The following INPP4B variants were observed in gnomAD, a reference collection of about 807,000 sequenced individuals.
INPP4B encodes the protein inositol polyphosphate 4-phosphatase type II.
Under a neutral mutation model 122.5 loss-of-function variants are expected in INPP4B, and 55 were observed. The observed-to-expected ratio is 0.45, with a 90% confidence interval of 0.36 to 0.56. The LOEUF (loss-of-function observed/expected upper bound fraction) is 0.56, where lower values mean the gene tolerates loss of function less well. Ranked by LOEUF, INPP4B falls within the 20% of genes least tolerant of loss-of-function variation. The pLI is 0.00. For missense variants in INPP4B, 1,000 were observed against 1,097.7 expected, an observed-to-expected ratio of 0.91 and a Z score of 1.26; for synonymous variants, 403 against 388.7, an observed-to-expected ratio of 1.04 and a Z score of -0.43.
At chr4:142,522,052 C>T (rs1826151730) in intron 2 of INPP4B, among the ~76,000 whole-genome samples, 1 of 152,050 alleles carries the variant, frequency 6.6e-6, no homozygotes, top group Non-Finnish European at 1.5e-5. Flanking sequence ...GTGCTTTGGG[C>T]AAGTTATTTC....
chr4:142,080,057 A>G (rs1773081829), intron 25 of INPP4B, among the ~76,000 whole-genome samples: 2 of 152,102 alleles, frequency 1.3e-5, no homozygotes, highest in African/African-American at 4.8e-5. Flanking sequence ...AATCCCCGAG[A>G]CACTCCTAAA....
chr4:142,202,165 A>ACCAGACTC, intron 14 of INPP4B, among the ~76,000 whole-genome samples: 1 of 152,130 alleles, frequency 6.6e-6, no homozygotes, highest in South Asian at 2.1e-4. Context: ...GAGTCTTGTC[A>ACCAGACTC]AACTAAAGAC....
At chr4:142,602,366 T>A (rs913583984) in intron 2 of INPP4B, among the ~76,000 whole-genome samples, 1 of 152,144 alleles carries the variant, frequency 6.6e-6, no homozygotes, top group Non-Finnish European at 1.5e-5. Context: ...TGCTCATGGA[T>A]AGAAAGAATC....
At chr4:142,167,014 C>G (rs1181681116) in intron 16 of INPP4B, among the ~76,000 whole-genome samples, 1 of 151,774 alleles carries the variant, frequency 6.6e-6, no homozygotes, top group East Asian at 1.9e-4. Context: ...ACCAGAAATA[C>G]CATCTGACCC....
intron 6 of INPP4B, among the ~76,000 whole-genome samples, chr4:142,403,942 G>T (rs1802479245): frequency 6.6e-6 from 1 of 151,796 alleles, no homozygotes; most frequent in Non-Finnish European, 1.5e-5. Context: ...AGTTAAGATG[G>T]TAAATTTTAT....
intron 15 of INPP4B, among the ~76,000 whole-genome samples, chr4:142,181,025 T>C (rs975107922): frequency 3.9e-5 from 6 of 152,170 alleles, no homozygotes; most frequent in African/African-American, 1.2e-4. Context: ...GTGGATCATG[T>C]GTGATGATGC....
chr4:142,068,498 A>G (rs570846137), intron 25 of INPP4B, among the ~76,000 whole-genome samples: 1 of 152,360 alleles, frequency 6.6e-6, no homozygotes, highest in South Asian at 2.1e-4. Flanking sequence ...CATTAAATGT[A>G]AATGGGCTAA....
intron 7 of INPP4B, among the ~76,000 whole-genome samples, chr4:142,387,924 A>G (rs2171756): frequency 0.21 from 31,357 of 152,020 alleles, 4,385 homozygotes; most frequent in African/African-American, 0.4. Flanking sequence ...ACGTGGCAGT[A>G]CTTTCTCTTG....
chr4:142,698,035 A>G (rs908692243), intron 2 of INPP4B, among the ~76,000 whole-genome samples: 1 of 152,100 alleles, frequency 6.6e-6, no homozygotes, highest in African/African-American at 2.4e-5. Flanking sequence ...ATTTAAAAAG[A>G]GTATAATGCA....
chr4:142,766,967 A>G (rs966213457), intron 1 of INPP4B: 9 of 152,176 alleles, frequency 5.9e-5, no homozygotes, highest in African/African-American at 2.2e-4. Context: ...CTTTAACTCA[A>G]ACTCTTTATC....
intron 14 of INPP4B, among the ~76,000 whole-genome samples, chr4:142,197,649 A>T (rs562325116): frequency 1.3e-5 from 2 of 152,334 alleles, no homozygotes; most frequent in African/African-American, 2.4e-5. Context: ...GCAACAATAT[A>T]GTAAGATCAC....
chr4:142,289,019 A>G (rs1038323933), intron 9 of INPP4B, among the ~76,000 whole-genome samples: 1 of 152,102 alleles, frequency 6.6e-6, no homozygotes, highest in Non-Finnish European at 1.5e-5. Context: ...ACTCTTTCTT[A>G]CTTTCAATGT....
chr4:142,810,605 T>TA (rs1779391057), intron 1 of INPP4B, among the ~76,000 whole-genome samples: 1 of 152,218 alleles, frequency 6.6e-6, no homozygotes, highest in African/African-American at 2.4e-5. Flanking sequence ...AGTGATTTCA[T>TA]AAAATCAGCT....
At chr4:142,178,074 T>A (rs1829140024) in intron 15 of INPP4B, among the ~76,000 whole-genome samples, 1 of 152,194 alleles carries the variant, frequency 6.6e-6, no homozygotes, top group African/African-American at 2.4e-5. Flanking sequence ...GCTCTCCTGT[T>A]CACAGCTCCA....
intron 10 of INPP4B, among the ~76,000 whole-genome samples, chr4:142,268,627 G>C (rs1744206279): frequency 6.6e-6 from 1 of 151,974 alleles, no homozygotes; most frequent in Non-Finnish European, 1.5e-5. Context: ...CAGATGAATG[G>C]AAAAAGGAAA....
At chr4:142,255,704 T>C (rs374649523) in intron 11 of INPP4B, among the ~76,000 whole-genome samples, 8 of 152,246 alleles carry the variant, frequency 5.3e-5, no homozygotes, top group Admixed American at 2.0e-4. Context: ...ATTCATAAAG[T>C]AAGTCCTGAG....
rs565765313 is a variant in INPP4B at position 142,023,643 on chromosome 4, A to G, written c.*5139T>C. ...TTACCTGTGAGTGCAATAGGTCATCATTGATCGCGTCCTTTCATGACCTGG... is the reference window on the plus strand; with the variant it reads ...TTACCTGTGAGTGCAATAGGTCATCGTTGATCGCGTCCTTTCATGACCTGG... On this transcript the variant is annotated 3_prime_UTR_variant, in exon 26 of 26. Transcript: ENST00000262992. 2.6e-5 allele frequency: 4 copies of G among 152,290 alleles called. No homozygotes were observed. The East Asian group carries it at 7.7e-4, about 29-fold the overall frequency. The allele number at this position is 152,290 out of a possible 1,614,324, so 9.4% of individuals were successfully genotyped here.
intron 2 of INPP4B, among the ~76,000 whole-genome samples, chr4:142,582,495 A>C (rs1348615238): frequency 6.6e-6 from 1 of 152,122 alleles, no homozygotes; most frequent in Non-Finnish European, 1.5e-5. Flanking sequence ...GTTGGGCAGA[A>C]AAGATGCAAA....
intron 2 of INPP4B, among the ~76,000 whole-genome samples, chr4:142,545,726 TATATACAC>T (rs1249993851): frequency 8.0e-4 from 92 of 115,260 alleles, no homozygotes; most frequent in South Asian, 1.4e-3. Flanking sequence ...TATATGTGTG[TATATACAC>T]ATATATGTGT....
Sources: gnomAD v4.1 joint callset for allele counts (sites outside exome capture counted in the v4.1 genomes callset) on GRCh38, gnomAD v4.1.1 for gene constraint, MANE v1.5 for transcripts, NCBI Gene and HGNC (gene_info 2026-07-23, HGNC 2026-07-21) for gene names.